The following CDH4 variants were observed in gnomAD, a reference collection of about 807,000 sequenced individuals.
The protein encoded by CDH4 is cadherin 4.
In CDH4, 33 loss-of-function variants were observed where a neutral mutation model predicts 86.0. That is an observed-to-expected ratio of 0.38 (90% confidence interval 0.29 to 0.51). The LOEUF is 0.51. Among genes scored for constraint, CDH4 ranks in the 20% least tolerant of loss-of-function variants. The probability of loss-of-function intolerance (pLI) is 0.86; values close to 1 mark genes in which losing one functional copy is unlikely to be tolerated. For synonymous variants in CDH4, 555 were observed against 549.4 expected (o/e 1.01, Z -0.14); for missense variants, 1,114 against 1,307.4 (o/e 0.85, Z 2.28).
intron 2 of CDH4, among the ~76,000 whole-genome samples, chr20:61,424,931 C>T (rs1356489574): frequency 1.4e-5 from 2 of 142,906 alleles, no homozygotes; most frequent in South Asian, 2.2e-4. Flanking sequence ...GTGGTCCATC[C>T]GGAGCCAAAT....
rs1240472225 is a variant in CDH4, at chr20:61,544,860, AG to A, written c.170-198697del. Among the ~76,000 whole-genome samples the A allele has an allele frequency of 1.3e-5, 2 of 151,970 alleles. No individual in the cohort carries two copies. The highest frequency in any genetic ancestry group is 4.8e-5 in the African/African-American group (2 of 41,360). ...AAAACTTGAGCTTTTAATTGAGGGGAGGGGGGATGCACTAGGGGGTCTTGGA... is the reference window on the plus strand; with the variant it reads ...AAAACTTGAGCTTTTAATTGAGGGGAGGGGGATGCACTAGGGGGTCTTGGA... On this transcript the variant is annotated intron_variant, in intron 2 of 15. Transcript: ENST00000614565. The surrounding 1 kb of genome is among the most constrained non-coding windows in gnomAD (Gnocchi z 6.5).
At chr20:61,513,337 C>A (rs946955134) in intron 2 of CDH4, among the ~76,000 whole-genome samples, 1 of 152,206 alleles carries the variant, frequency 6.6e-6, no homozygotes, top group African/African-American at 2.4e-5. Context: ...AGCACGACTG[C>A]GGGGGCTAAC....
chr20:61,806,325 C>T (rs1361867936), intron 4 of CDH4, among the ~76,000 whole-genome samples: 1 of 152,162 alleles, frequency 6.6e-6, no homozygotes, highest in Admixed American at 6.5e-5. Context: ...GAAGCCTACC[C>T]AAAGCCTCAT....
At chr20:61,741,999 TC>T (rs2088345486) in intron 2 of CDH4, among the ~76,000 whole-genome samples, 1 of 152,338 alleles carries the variant, frequency 6.6e-6, no homozygotes, top group East Asian at 1.9e-4. Context: ...CACAGCACTG[TC>T]ATTTTTATCT....
At chr20:61,719,540 C>T (rs1320589848) in intron 2 of CDH4, 3 of 202,290 alleles carry the variant, frequency 1.5e-5, no homozygotes, top group South Asian at 1.8e-4. Flanking sequence ...GTCTTTATCT[C>T]GTTCCTCTGT....
rs558649678 is a variant in CDH4 at position 61,297,115 on chromosome 20, G to A, written c.169+42178G>A. Reference sequence around the variant, plus strand: ...TTAAAAAGTGTGGAGGCAAGGAGTGGTGGCTCATGCCTGTAATCCCAGCAC... The same window carrying A: ...TTAAAAAGTGTGGAGGCAAGGAGTGATGGCTCATGCCTGTAATCCCAGCAC... On this transcript the variant is annotated intron_variant, in intron 2 of 15. Coordinates refer to ENST00000614565, the MANE Select transcript of CDH4 (RefSeq NM_001794.5). 4.6e-5 allele frequency among the ~76,000 whole-genome samples: 7 copies of A among 152,298 alleles called. No individual in the cohort carries two copies. In the South Asian group the frequency reaches 1.5e-3, roughly 32 times the overall value.
At chr20:61,435,322 G>A (rs562360892) in intron 2 of CDH4, among the ~76,000 whole-genome samples, 2 of 152,338 alleles carry the variant, frequency 1.3e-5, no homozygotes, top group African/African-American at 2.4e-5. Context: ...AGGACAGGCA[G>A]CCACAAGGCA....
intron 2 of CDH4, among the ~76,000 whole-genome samples, chr20:61,542,526 A>G (rs2086047887): frequency 2.0e-5 from 3 of 152,166 alleles, no homozygotes; most frequent in Non-Finnish European, 4.4e-5. Flanking sequence ...AGGCTTTGAA[A>G]TCCTAGGGTT....
intron 2 of CDH4, among the ~76,000 whole-genome samples, chr20:61,721,946 G>T (rs991920808): frequency 3.6e-4 from 55 of 152,118 alleles, no homozygotes; most frequent in African/African-American, 1.3e-3. Flanking sequence ...GAGAAATGGG[G>T]TGTGCTGGAG....
In CDH4 at chr20:61,517,183, G is replaced by A. The variant is rs1248748528; in HGVS notation, c.170-226380G>A. Reference sequence around the variant, plus strand: ...TAGATGTTGCCTGACTTTGAACTTCGGGTAAATGGAATCCCTTTTTGTTTT... The same window carrying A: ...TAGATGTTGCCTGACTTTGAACTTCAGGTAAATGGAATCCCTTTTTGTTTT... On this transcript the variant is annotated intron_variant, in intron 2 of 15. Coordinates refer to ENST00000614565, the MANE Select transcript of CDH4 (RefSeq NM_001794.5). This position sits in a 1 kb window ranked among gnomAD's most constrained non-coding sequence, Gnocchi z 6.6. Among the ~76,000 whole-genome samples, 6 of 152,080 alleles carry A rather than the reference G, an allele frequency of 3.9e-5. No individual in the cohort carries two copies. Among genetic ancestry groups the A allele is most frequent in the African/African-American group, 1.4e-4 (6 of 41,418 alleles).
intron 7 of CDH4, among the ~76,000 whole-genome samples, chr20:61,878,956 G>A (rs376669845): frequency 1.3e-5 from 2 of 152,340 alleles, no homozygotes; most frequent in Non-Finnish European, 1.5e-5. Context: ...CTCTTCCTTC[G>A]CCCACCTCCT....
At chr20:61,714,036 ATTTTATTTTATTT>A (rs1420826141) in intron 2 of CDH4, among the ~76,000 whole-genome samples, 7 of 137,348 alleles carry the variant, frequency 5.1e-5, no homozygotes, top group African/African-American at 2.3e-4. Flanking sequence ...ATTTTATTTT[ATTTTATTTTATTT>A]TATTTTATTT....
intron 2 of CDH4, among the ~76,000 whole-genome samples, chr20:61,739,668 A>C (rs567901819): frequency 6.6e-6 from 1 of 152,164 alleles, no homozygotes; most frequent in African/African-American, 2.4e-5. Flanking sequence ...TCCTGCCTAG[A>C]GGAGGGTGAG....
At chr20:61,549,387 C>T (rs1242530050) in intron 2 of CDH4, among the ~76,000 whole-genome samples, 1 of 152,124 alleles carries the variant, frequency 6.6e-6, no homozygotes, top group African/African-American at 2.4e-5. Context: ...GCTCTTCAGA[C>T]CCACACCATC....
At chr20:61,407,814 G>T (rs909676121) in intron 2 of CDH4, among the ~76,000 whole-genome samples, 2 of 152,146 alleles carry the variant, frequency 1.3e-5, no homozygotes, top group Non-Finnish European at 2.9e-5. Context: ...ATCAGTGACT[G>T]TCATGTCATT....
At chr20:61,871,545 A>T (rs1387377533) in intron 6 of CDH4, among the ~76,000 whole-genome samples, 1 of 152,066 alleles carries the variant, frequency 6.6e-6, no homozygotes, top group Non-Finnish European at 1.5e-5. Flanking sequence ...GTTCACCCTC[A>T]CTCCTAGGGT....
intron 3 of CDH4, among the ~76,000 whole-genome samples, chr20:61,746,840 G>A (rs2088420385): frequency 6.6e-6 from 1 of 152,260 alleles, no homozygotes; most frequent in Non-Finnish European, 1.5e-5. Context: ...GGCCTTGCCA[G>A]GTGGCATGGG....
chr20:61,373,251 G>A (rs1050752400), intron 2 of CDH4, among the ~76,000 whole-genome samples: 3 of 152,058 alleles, frequency 2.0e-5, no homozygotes, highest in Non-Finnish European at 2.9e-5. Flanking sequence ...GCCCTGGGCC[G>A]TCAGCACTAG....
intron 2 of CDH4, among the ~76,000 whole-genome samples, chr20:61,419,182 A>C (rs1271968509): frequency 6.6e-6 from 1 of 152,132 alleles, no homozygotes; most frequent in African/African-American, 2.4e-5. Context: ...GGCTCACTGC[A>C]GACGTGTCCT....
Sources: allele counts gnomAD v4.1 joint callset (sites outside exome capture counted in the v4.1 genomes callset), GRCh38; gene constraint gnomAD v4.1.1; non-coding constraint Gnocchi (gnomAD v3.1); transcripts MANE v1.5; gene names NCBI Gene and HGNC (gene_info 2026-07-23, HGNC 2026-07-21).